WDR59: variants seen among roughly 807,000 people sequenced by gnomAD.
WDR59 encodes WD repeat domain 59.
In WDR59, 100 loss-of-function variants were observed where a neutral mutation model predicts 131.2. That is an observed-to-expected ratio of 0.76 (90% CI 0.65 to 0.90). The LOEUF (loss-of-function observed/expected upper bound fraction) is 0.90. Among genes scored for constraint, WDR59 ranks in the 40% least tolerant of loss-of-function variants. The pLI, the probability that WDR59 is intolerant of heterozygous loss-of-function variation, is 0.00. For synonymous variants in WDR59, 601 were observed against 466.2 expected, an observed-to-expected ratio of 1.29 and a Z score of -3.72; for missense variants, 1,203 against 1,262.2, an observed-to-expected ratio of 0.95 and a Z score of 0.71.
At chr16:74,916,417 T>C (rs1444432594) in intron 11 of WDR59, among the ~76,000 whole-genome samples, 158 bp from the exon 12 acceptor site, 1 of 152,132 alleles carries the variant, frequency 6.6e-6, no homozygotes, top group Non-Finnish European at 1.5e-5. Context: ...CATTGCCAAC[T>C]CTCCCTGGTT....
chr16:74,912,468 G>T (rs949977531), intron 13 of WDR59, 106 bp from the exon 14 acceptor site: 1 of 1,198,902 alleles, frequency 8.3e-7, no homozygotes, highest in Non-Finnish European at 1.1e-6. Flanking sequence ...TGAATGAAGG[G>T]AAAGAGTCTA....
At chr16:74,901,266 C>G (rs1323358902) in intron 18 of WDR59, among the ~76,000 whole-genome samples, 4 of 150,840 alleles carry the variant, frequency 2.7e-5, no homozygotes, top group Non-Finnish European at 5.9e-5. Flanking sequence ...CCAAAAAAAG[C>G]CCCCAAACCA....
chr16:74,915,197 G>C (rs1966305503), intron 13 of WDR59, among the ~76,000 whole-genome samples: 1 of 152,122 alleles, frequency 6.6e-6, no homozygotes, highest in African/African-American at 2.4e-5. Context: ...TGGAGGTTTG[G>C]CTTCCCAAGT....
chr16:74,896,015 A>C (rs1276825984), intron 18 of WDR59, among the ~76,000 whole-genome samples: 1 of 152,146 alleles, frequency 6.6e-6, no homozygotes, highest in African/African-American at 2.4e-5. Flanking sequence ...CCAGGACTTT[A>C]AAAAGCCCAG....
intron 21 of WDR59, among the ~76,000 whole-genome samples, chr16:74,889,049 C>T (rs78565033): frequency 0.024 from 3,641 of 152,254 alleles, 58 homozygotes; most frequent in Non-Finnish European, 0.036. Context: ...CCTTATCATC[C>T]CTGTGTTAGT....
At chr16:74,925,122 T>G (rs1392837404) in intron 8 of WDR59, among the ~76,000 whole-genome samples, 12 of 152,200 alleles carry the variant, frequency 7.9e-5, no homozygotes. Flanking sequence ...AAATTAATGG[T>G]GGCATATACA....
chr16:74,874,328 T>A lies in WDR59; in HGVS notation c.2806A>T (p.Asn936Tyr), dbSNP rs199693877. 2.5e-5 allele frequency: 41 copies of A among 1,614,050 alleles called. No homozygotes were observed. The highest frequency in any genetic ancestry group is 2.5e-6 in the Non-Finnish European group (3 of 1,180,044). The change falls in exon 26 of 26, where the codon AAT (asparagine) becomes TAT (tyrosine). Residue 936 changes from asparagine (N) to tyrosine (Y), a missense_variant. Coordinates refer to ENST00000262144, the MANE Select transcript of WDR59 (RefSeq NM_030581.4). ...ICHVAVRGSSNFCLTCGHGGH... is the reference protein window; with the variant it reads ...ICHVAVRGSSYFCLTCGHGGH... ...CCGTGCCCACAGGTCAGGCAGAAAT[T>A]GGACGATCCCCGCACAGCCACGTGA...
chr16:74,906,697 G>T (rs769281806), intron 17 of WDR59, among the ~76,000 whole-genome samples: 10 of 152,168 alleles, frequency 6.6e-5, no homozygotes, highest in Non-Finnish European at 1.5e-4. Flanking sequence ...CAGCAATGTG[G>T]ATCAATGTCA....
In WDR59 at chr16:74,951,441, G is replaced by A; in HGVS notation, c.326+17C>T. 7.6e-6 allele frequency: 12 copies of A among 1,584,436 alleles called. No homozygotes were observed. Among genetic ancestry groups the A allele is most frequent in the Non-Finnish European group, 1.0e-5 (12 of 1,164,812 alleles). On this transcript the variant is annotated intron_variant, in intron 4 of 25. Coordinates refer to ENST00000262144, the MANE Select transcript of WDR59 (RefSeq NM_030581.4). ...CAAAGCAAGACAGCCAAAGAGCTGT[G>A]GAGGGCTGGTGCCTACCTGATGACA... is the stretch of plus-strand genomic sequence containing the variant.
At chr16:74,894,291 G>C (rs1231504713) in intron 18 of WDR59, among the ~76,000 whole-genome samples, 2 of 152,134 alleles carry the variant, frequency 1.3e-5, no homozygotes, top group Non-Finnish European at 2.9e-5. Flanking sequence ...TATATGGTAG[G>C]AAAACAGAGA....
At chr16:74,928,827 T>G (rs2031118974) in intron 8 of WDR59, among the ~76,000 whole-genome samples, 1 of 152,078 alleles carries the variant, frequency 6.6e-6, no homozygotes, top group Non-Finnish European at 1.5e-5. Context: ...AAGAATCGCT[T>G]GAACCCAGGA....
chr16:74,890,468 A>G (rs558374075), intron 20 of WDR59, among the ~76,000 whole-genome samples: 1 of 152,228 alleles, frequency 6.6e-6, no homozygotes, highest in African/African-American at 2.4e-5. Context: ...ACTTTTTAAA[A>G]TGCTGTTTCA....
chr16:74,914,280 C>T (rs16950178), intron 13 of WDR59, among the ~76,000 whole-genome samples: 40,793 of 151,996 alleles, frequency 0.27, 5,686 homozygotes, highest in African/African-American at 0.32. Context: ...AAAGTACTCT[C>T]GAAGAAAGGA....
intron 13 of WDR59, among the ~76,000 whole-genome samples, chr16:74,913,915 G>C (rs1226903049): frequency 6.6e-6 from 1 of 152,144 alleles, no homozygotes; most frequent in Non-Finnish European, 1.5e-5. Flanking sequence ...ACTTTAAAAA[G>C]CGGAATTTTG....
At chr16:74,954,857 A>T (rs997231225) in intron 3 of WDR59, among the ~76,000 whole-genome samples, 21 of 152,244 alleles carry the variant, frequency 1.4e-4, no homozygotes, top group African/African-American at 5.1e-4. Flanking sequence ...AAGAAGTCAG[A>T]CACAAAAGGC....
At chr16:74,942,634 G>A in intron 7 of WDR59, 104 bp downstream of exon 7, 1 of 1,066,528 alleles carries the variant, frequency 9.4e-7, no homozygotes, top group Non-Finnish European at 1.4e-6. Context: ...ATGCTGCACA[G>A]GGTTCCCCAG....
intron 18 of WDR59, among the ~76,000 whole-genome samples, chr16:74,896,492 G>A (rs2144849391): frequency 6.6e-6 from 1 of 152,244 alleles, no homozygotes; most frequent in Middle Eastern, 3.4e-3. Context: ...AAAATTAGCA[G>A]GGCATGGGGG....
At chr16:74,963,699 A>G (rs529745599) in intron 2 of WDR59, among the ~76,000 whole-genome samples, 16 of 152,316 alleles carry the variant, frequency 1.1e-4, no homozygotes, top group African/African-American at 3.4e-4. Context: ...ACGTTTACCT[A>G]CGTAACAAAC....
chr16:74,943,999 C>T (rs1052553552), intron 6 of WDR59, among the ~76,000 whole-genome samples: 79 of 152,104 alleles, frequency 5.2e-4, no homozygotes, highest in African/African-American at 1.6e-3. Context: ...CTTCTTCGCA[C>T]GGAAGGATAT....
Sources: gnomAD v4.1 joint callset for allele counts (sites outside exome capture counted in the v4.1 genomes callset) on GRCh38, gnomAD v4.1.1 for gene constraint, MANE v1.5 for transcripts, NCBI Gene and HGNC (gene_info 2026-07-23, HGNC 2026-07-21) for gene names.